The following PCDHAC2 variants were observed in gnomAD, a reference collection of about 807,000 sequenced individuals.
The protein encoded by PCDHAC2 is protocadherin alpha-C2.
PCDHAC2 carries 24 observed loss-of-function variants against 63.3 expected under a neutral mutation model. The observed-to-expected ratio is 0.38, with a 90% CI of 0.27 to 0.53. The LOEUF (loss-of-function observed/expected upper bound fraction) is 0.53. Among genes scored for constraint, PCDHAC2 ranks in the 20% least tolerant of loss-of-function variants. The pLI is 0.81. For missense variants in PCDHAC2, 1,181 were observed against 1,275.2 expected (o/e 0.93, Z 1.12); for synonymous variants, 569 against 529.4 (o/e 1.07, Z -1.03).
In PCDHAC2 at chr5:140,978,987, C is replaced by T; in HGVS notation, c.2604C>T (p.Ser868=). 4 of 1,614,162 alleles carry T rather than the reference C, an allele frequency of 2.5e-6. No homozygotes were observed. In the South Asian group the frequency reaches 3.3e-5, roughly 13 times the overall value. The change falls in exon 2 of 4, where the codon TCC becomes TCT. Residue 868 remains serine (S), a synonymous_variant. Transcript: ENST00000289269. ...QPNPDWRYSA[S]LRAGMHSSVH... ...ACCCTGACTGGCGTTACTCTGCCTC[C>T]CTGAGAGCAGGCATGCACAGGTATG...
intron 3 of PCDHAC2, among the ~76,000 whole-genome samples, chr5:141,000,421 ATTTT>A (rs34755515): frequency 0.018 from 509 of 27,798 alleles, 2 homozygotes; most frequent in African/African-American, 0.027. Context: ...ATATATATAT[ATTTT>A]TTTTTTTTTT....
chr5:140,968,077 C>A lies in PCDHAC2; in HGVS notation c.1311C>A (p.Ile437=), dbSNP rs1274008262. 2.5e-6 allele frequency: 4 copies of A among 1,614,020 alleles called. No homozygotes were observed. In the African/African-American group the frequency reaches 4.0e-5, roughly 16 times the overall value. The change falls in exon 1 of 4, where the codon ATC becomes ATA. Residue 437 remains isoleucine, a synonymous_variant. Coordinates refer to ENST00000289269, the MANE Select transcript of PCDHAC2 (RefSeq NM_018899.6). ...LDRERVAVYN[I]TVTATDGGIP... ...GAGAGCGGGTGGCTGTCTACAACAT[C>A]ACGGTGACAGCCACAGATGGGGGAA...
At chr5:141,007,227 A>G (rs1458505596) in intron 3 of PCDHAC2, among the ~76,000 whole-genome samples, 1 of 151,972 alleles carries the variant, frequency 6.6e-6, no homozygotes, top group Non-Finnish European at 1.5e-5. Flanking sequence ...CAAAATAAGA[A>G]GGATTGTTGA....
intron 3 of PCDHAC2, among the ~76,000 whole-genome samples, chr5:140,984,922 C>T (rs2097125803): frequency 6.6e-6 from 1 of 152,074 alleles, no homozygotes; most frequent in Non-Finnish European, 1.5e-5. Flanking sequence ...TAGTGCTTGA[C>T]ATATAGTTAA....
At chr5:141,007,161 G>C (rs2098308747) in intron 3 of PCDHAC2, among the ~76,000 whole-genome samples, 1 of 152,146 alleles carries the variant, frequency 6.6e-6, no homozygotes, top group Non-Finnish European at 1.5e-5. Context: ...TCAAAGAACA[G>C]TCAGAGAGAA....
At position 141,010,636 on chromosome 5, in the gene PCDHAC2, A is replaced by G; in HGVS notation, c.*699A>G. On this transcript the variant is annotated 3_prime_UTR_variant, in exon 4 of 4. Coordinates refer to ENST00000289269, the MANE Select transcript of PCDHAC2 (RefSeq NM_018899.6). ...AAAATCTGCATCATACCTGCAAGCC[A>G]ACAGTTCAGTGTTTTAACAGAGAAC... is the stretch of plus-strand genomic sequence containing the variant. 1 of 183,300 alleles carries G rather than the reference A, an allele frequency of 5.5e-6. No individual in the cohort carries two copies. The highest frequency in any genetic ancestry group is 1.2e-5 in the Non-Finnish European group (1 of 86,478). 11.4% of individuals were successfully genotyped at this position (183,300 alleles called of 1,614,324 possible). A position where few individuals can be genotyped will look rare whatever the true frequency, so the allele number is the denominator to read the frequency against.
intron 1 of PCDHAC2, among the ~76,000 whole-genome samples, chr5:140,975,537 C>T (rs1554236874): frequency 6.6e-6 from 1 of 152,166 alleles, no homozygotes; most frequent in African/African-American, 2.4e-5. Context: ...ATTCTTAATA[C>T]AGTCCTATTA....
intron 3 of PCDHAC2, among the ~76,000 whole-genome samples, chr5:140,987,254 T>C (rs1358606591): frequency 1.3e-5 from 2 of 151,878 alleles, no homozygotes; most frequent in Non-Finnish European, 1.5e-5. Flanking sequence ...AAAGACATTC[T>C]CAGGAATGGG....
At chr5:141,000,643 G>A (rs2097954450) in intron 3 of PCDHAC2, among the ~76,000 whole-genome samples, 1 of 151,102 alleles carries the variant, frequency 6.6e-6, no homozygotes, top group Non-Finnish European at 1.5e-5. Context: ...GGGCAGGCTG[G>A]TCTCGAACTC....
At chr5:140,977,301 G>T (rs1478869150) in intron 1 of PCDHAC2, among the ~76,000 whole-genome samples, 1 of 152,208 alleles carries the variant, frequency 6.6e-6, no homozygotes, top group Non-Finnish European at 1.5e-5. Context: ...CAGCTGACAA[G>T]CTAACGATAG....
At chr5:140,995,106 G>C (rs1318120210) in intron 3 of PCDHAC2, among the ~76,000 whole-genome samples, 6 of 152,180 alleles carry the variant, frequency 3.9e-5, no homozygotes, top group East Asian at 1.9e-4. Context: ...TACATTCCAA[G>C]ACCCTCAGTG....
chr5:140,967,401 G>A lies in PCDHAC2; in HGVS notation c.635G>A (p.Arg212His). Residue 212 changes from arginine (R) to histidine (H), a missense_variant, in exon 1 of 4, where the codon CGT becomes CAT. Physicochemically the swap from Arg to His is conservative, Grantham distance 29. Transcript: ENST00000289269. ...ENSKVLELVL[R>H]KGLDREQAAL... ...AGTAAAGTGCTTGAGCTGGTGCTGC[G>A]TAAGGGCCTAGACCGGGAGCAGGCA... 3.1e-6 allele frequency: 5 copies of A among 1,611,944 alleles called. No individual in the cohort carries two copies. Among genetic ancestry groups the A allele is most frequent in the East Asian group, 2.2e-5 (1 of 44,806 alleles).
intron 2 of PCDHAC2, among the ~76,000 whole-genome samples, chr5:140,981,156 T>C (rs747008016): frequency 2.9e-4 from 44 of 152,360 alleles, no homozygotes; most frequent in Admixed American, 6.5e-4. Context: ...ATTGAACTTA[T>C]ATGTTGCCTT....
intron 3 of PCDHAC2, among the ~76,000 whole-genome samples, chr5:140,989,660 G>T (rs1369597923): frequency 6.6e-6 from 1 of 152,180 alleles, no homozygotes; most frequent in Non-Finnish European, 1.5e-5. Context: ...TATTTTAAAA[G>T]AAACTCTGCC....
chr5:140,999,132 T>C (rs1430473415), intron 3 of PCDHAC2, among the ~76,000 whole-genome samples: 2 of 152,160 alleles, frequency 1.3e-5, no homozygotes, highest in Non-Finnish European at 2.9e-5. Flanking sequence ...CTGGAAAATG[T>C]CACAGCCGGA....
intron 3 of PCDHAC2, among the ~76,000 whole-genome samples, chr5:140,990,571 G>A (rs996259729): frequency 6.6e-6 from 1 of 152,102 alleles, no homozygotes; most frequent in Non-Finnish European, 1.5e-5. Flanking sequence ...ACACCTGTTC[G>A]ATCTCTTTTC....
Position 140,980,554 on chromosome 5 carries a change from C to T in PCDHAC2, c.2624+1547C>T, listed in dbSNP as rs1283128844. Among the ~76,000 whole-genome samples, 9 of 152,008 alleles carry T rather than the reference C, an allele frequency of 5.9e-5. No individual in the cohort carries two copies. The South Asian group carries it at 1.5e-3, about 25-fold the overall frequency. On this transcript the variant is annotated intron_variant, in intron 2 of 3. Transcript: ENST00000289269. ...CTGAGGCAGGAGAATCGCTTGAACC[C>T]GGGAGGCGGAAGTTGCAGTGAGCCA...
At position 141,009,794 on chromosome 5, in the gene PCDHAC2, A is replaced by G. The variant is rs1314860754; in HGVS notation, c.2881A>G (p.Thr961Ala). 1.2e-6 allele frequency: 2 copies of G among 1,614,042 alleles called. No homozygotes were observed. Among genetic ancestry groups the G allele is most frequent in the South Asian group, 1.1e-5 (1 of 91,076 alleles). Reference protein sequence around the residue: ...PAIISIRQEPTNSQIDKSDFI... With the variant: ...PAIISIRQEPANSQIDKSDFI... ...AATCATCTCCATCCGGCAGGAGCCTACTAACAGCCAAATTGACAAAAGTGA... is the reference window on the plus strand; with the variant it reads ...AATCATCTCCATCCGGCAGGAGCCTGCTAACAGCCAAATTGACAAAAGTGA... The change falls in exon 4 of 4, where the codon ACT (threonine) becomes GCT (alanine). Residue 961 changes from threonine (T) to alanine (A), a missense_variant. Physicochemically the swap from Thr to Ala is moderately conservative, Grantham distance 58. Coordinates refer to ENST00000289269, the MANE Select transcript of PCDHAC2 (RefSeq NM_018899.6).
chr5:140,992,097 A>G (rs1466699064), intron 3 of PCDHAC2, among the ~76,000 whole-genome samples: 7 of 151,212 alleles, frequency 4.6e-5, no homozygotes, highest in Non-Finnish European at 1.0e-4. Flanking sequence ...GAGAAAGAGA[A>G]TTAAGGTGAG....
Sources: allele counts gnomAD v4.1 joint callset (sites outside exome capture counted in the v4.1 genomes callset), GRCh38; gene constraint gnomAD v4.1.1; transcripts MANE v1.5; gene names NCBI Gene and HGNC (gene_info 2026-07-23, HGNC 2026-07-21).